ZNF644: variants seen among roughly 807,000 people sequenced by gnomAD.
The protein encoded by ZNF644 is zinc finger protein 644.
A neutral mutation model predicts 108.0 loss-of-function variants in ZNF644; 20 were observed. The observed-to-expected ratio is 0.19, with a 90% CI of 0.13 to 0.27. The LOEUF is 0.27. Among genes scored for constraint, ZNF644 ranks in the 10% least tolerant of loss-of-function variants. ZNF644 has a pLI of 1.00. For missense variants in ZNF644, 1,338 were observed against 1,548.9 expected (o/e 0.86, Z 2.29); for synonymous variants, 542 against 539.1 (o/e 1.01, Z -0.08).
chr1:90,999,746 T>C (rs1223484005), intron 1 of ZNF644, among the ~76,000 whole-genome samples: 2 of 152,008 alleles, frequency 1.3e-5, no homozygotes, highest in African/African-American at 2.4e-5. Context: ...GACTGGCAAA[T>C]TGGATAAAGA....
intron 2 of ZNF644, among the ~76,000 whole-genome samples, chr1:90,968,160 C>A (rs1655120815): frequency 6.6e-6 from 1 of 151,666 alleles, no homozygotes; most frequent in African/African-American, 2.4e-5. Context: ...TCATTATACA[C>A]CTTATCTCAA....
At position 90,938,945 on chromosome 1, in the gene ZNF644, G is replaced by C; in HGVS notation, c.2409C>G (p.His803Gln). The C allele has an allele frequency of 6.2e-7, 1 of 1,613,994 alleles. No homozygotes were observed. Among genetic ancestry groups the C allele is most frequent in the East Asian group, 2.2e-5 (1 of 44,864 alleles). Residue 803 changes from histidine (H) to glutamine (Q), a missense_variant, in exon 3 of 6, where the codon CAC (histidine) becomes CAG (glutamine). Physicochemically the swap from His to Gln is conservative, Grantham distance 24. Transcript: ENST00000337393. This position sits in a 1 kb window ranked among gnomAD's most constrained non-coding sequence, Gnocchi z 4.2. ...TTACTCTCTTTACAGCTACACGTCT[G>C]TGATCTTTGAAGCTTTCAGGCCTTT... is the stretch of plus-strand genomic sequence containing the variant. ...DAKRPESFKD[H>Q]RRVAVKRVIK...
At position 91,007,983 on chromosome 1, in the gene ZNF644, C is replaced by T. The variant is rs555347221; in HGVS notation, c.-18+14007G>A. ...TATCAATCTGGGCCACATCTGTTAT[C>T]AGTTAGATATTTTTCCTGATCTCAG... On this transcript the variant is annotated intron_variant, in intron 1 of 5. Transcript: ENST00000337393. Among the ~76,000 whole-genome samples the T allele has an allele frequency of 3.9e-5, 6 of 152,230 alleles. No homozygotes were observed. The South Asian group carries it at 8.3e-4, about 21-fold the overall frequency.
At chr1:91,020,723 A>C (rs1049739458) in intron 1 of ZNF644, 1 of 152,180 alleles carries the variant, frequency 6.6e-6, no homozygotes, top group African/African-American at 2.4e-5. Context: ...TTCTCATGGG[A>C]CCAAAAAATG....
intron 1 of ZNF644, among the ~76,000 whole-genome samples, chr1:90,986,299 A>C (rs74099889): frequency 0.013 from 1,914 of 151,760 alleles, 39 homozygotes; most frequent in African/African-American, 0.044. Flanking sequence ...ATTCCTCAAA[A>C]CTGTTAAGGT....
intron 1 of ZNF644, among the ~76,000 whole-genome samples, chr1:91,019,085 A>G (rs941053452): frequency 6.6e-6 from 1 of 152,236 alleles, no homozygotes; most frequent in African/African-American, 2.4e-5. Context: ...TTAAAACCTT[A>G]AAACAATTTA....
Position 90,938,550 on chromosome 1 carries a change from T to C in ZNF644, c.2804A>G (p.Asp935Gly), listed in dbSNP as rs767610776. Residue 935 changes from aspartate (D) to glycine (G), a missense_variant, in exon 3 of 6, where the codon GAT (aspartate) becomes GGT (glycine). By Grantham distance (94) the Asp-to-Gly change is moderately conservative. Around this residue, in one of 6 missense-constraint regions of ZNF644, gnomAD observed 462 missense variants for 472.6 expected, o/e 0.98. Coordinates refer to ENST00000337393, the MANE Select transcript of ZNF644 (RefSeq NM_201269.3). The surrounding 1 kb of genome is among the most constrained non-coding windows in gnomAD (Gnocchi z 4.2). The part of the protein sequence containing the change: ...GSNNFLHEIH[D>G]PQHLETADAS... ...ATCTGCAGTTTCTAAATGCTGAGGA[T>C]CATGTATCTCATGCAAAAAGTTGTT... 1 of 1,613,952 alleles carries C rather than the reference T, an allele frequency of 6.2e-7. No homozygotes were observed. Among genetic ancestry groups the C allele is most frequent in the East Asian group, 2.2e-5 (1 of 44,882 alleles).
rs1651802228 is a variant in ZNF644 at position 90,940,209 on chromosome 1, A to G, written c.1145T>C (p.Phe382Ser). 6.2e-7 allele frequency: 1 copy of G among 1,614,048 alleles called. No homozygotes were observed. Among genetic ancestry groups the G allele is most frequent in the African/African-American group, 1.3e-5 (1 of 75,004 alleles). The change falls in exon 3 of 6, where the codon TTT becomes TCT. Residue 382 changes from phenylalanine (F) to serine (S), a missense_variant. Physicochemically the swap from Phe to Ser is radical, Grantham distance 155 (BLOSUM62 -2). This residue lies in a region of ZNF644 where 464 missense variants were observed against 457.9 expected (regional missense o/e 1.01). Transcript: ENST00000337393. ...TTTCTTTTTTAAGGTATTTGAAAGA[A>G]AAGTGCTAGTATGAACAGGTGAACT... The part of the protein sequence containing the change: ...EESSPVHTST[F>S]LSNTLKKKCE...
intron 1 of ZNF644, among the ~76,000 whole-genome samples, chr1:91,016,820 C>A (rs1400454823): frequency 1.3e-5 from 2 of 152,100 alleles, no homozygotes; most frequent in African/African-American, 4.8e-5. Context: ...ACTTACGTTT[C>A]TAGAGTTTGA....
intron 4 of ZNF644, among the ~76,000 whole-genome samples, chr1:90,936,871 T>C (rs922821172): frequency 7.2e-5 from 11 of 152,220 alleles, no homozygotes; most frequent in African/African-American, 1.9e-4. Context: ...AGCACTATCT[T>C]AAAACCTAAA....
At chr1:90,966,877 G>A (rs1245692578) in intron 2 of ZNF644, among the ~76,000 whole-genome samples, 1 of 152,080 alleles carries the variant, frequency 6.6e-6, no homozygotes, top group Non-Finnish European at 1.5e-5. Context: ...CACTTTGGGA[G>A]GCTGAGGTGG....
rs371374612 is a variant in ZNF644, at chr1:90,996,839, T to C, written c.-17-14469A>G. 3.9e-5 allele frequency among the ~76,000 whole-genome samples: 6 copies of C among 152,214 alleles called. No individual in the cohort carries two copies. In the East Asian group the frequency reaches 1.2e-3, roughly 29 times the overall value. ...AGGCACTAGGAAAGACAGAAGAGGT[T>C]TGGAGCTCTTTTAGTACCTCATTCC... is the stretch of plus-strand genomic sequence containing the variant. On this transcript the variant is annotated intron_variant, in intron 1 of 5. Coordinates refer to ENST00000337393, the MANE Select transcript of ZNF644 (RefSeq NM_201269.3).
intron 4 of ZNF644, among the ~76,000 whole-genome samples, chr1:90,931,050 C>A (rs1042793523): frequency 2.0e-5 from 3 of 151,900 alleles, no homozygotes; most frequent in African/African-American, 7.3e-5. Context: ...TCATTCAATC[C>A]AGGACACTTA....
At chr1:90,933,621 G>A (rs939403619) in intron 4 of ZNF644, among the ~76,000 whole-genome samples, 2 of 151,962 alleles carry the variant, frequency 1.3e-5, no homozygotes, top group Non-Finnish European at 2.9e-5. Flanking sequence ...CCGAGATCGC[G>A]CCACTGCACT....
chr1:90,987,267 TA>T (rs376546432), intron 1 of ZNF644, among the ~76,000 whole-genome samples: 6 of 108,800 alleles, frequency 5.5e-5, no homozygotes, highest in African/African-American at 1.3e-4. Flanking sequence ...TTTTTTTTTT[TA>T]AAAAAAGATC....
intron 1 of ZNF644, among the ~76,000 whole-genome samples, chr1:90,998,485 C>T (rs371626538): frequency 6.6e-6 from 1 of 152,216 alleles, no homozygotes. Context: ...AGCTGAGGGT[C>T]CTCACTGTTA....
At chr1:91,002,792 C>T (rs960239708) in intron 1 of ZNF644, among the ~76,000 whole-genome samples, 1 of 151,944 alleles carries the variant, frequency 6.6e-6, no homozygotes, top group Non-Finnish European at 1.5e-5. Flanking sequence ...TGACAAAGGG[C>T]TAATATCCAG....
At chr1:90,961,168 A>G (rs531080610) in intron 2 of ZNF644, among the ~76,000 whole-genome samples, 1 of 152,266 alleles carries the variant, frequency 6.6e-6, no homozygotes, top group South Asian at 2.1e-4. Flanking sequence ...ATATATATGG[A>G]ATTTAAAAAC....
chr1:91,006,794 T>A (rs1366898554), intron 1 of ZNF644, among the ~76,000 whole-genome samples: 1 of 151,888 alleles, frequency 6.6e-6, no homozygotes, highest in Non-Finnish European at 1.5e-5. Context: ...ACTTTCTGGA[T>A]CCCCCCTCTT....
Sources: allele counts gnomAD v4.1 joint callset (sites outside exome capture counted in the v4.1 genomes callset), GRCh38; gene constraint gnomAD v4.1.1; regional missense constraint gnomAD v4.1.1; non-coding constraint Gnocchi (gnomAD v3.1); transcripts MANE v1.5; gene names NCBI Gene and HGNC (gene_info 2026-07-23, HGNC 2026-07-21).